Variants in CFAP206 observed in about 807,000 individuals in gnomAD.
CFAP206 encodes cilia and flagella associated protein 206, also known as cilia- and flagella-associated protein 206.
CFAP206 carries 53 observed loss-of-function variants against 65.4 expected under a neutral mutation model. The observed-to-expected ratio is 0.81, with a 90% CI of 0.65 to 1.02. CFAP206 has a LOEUF of 1.02. CFAP206 is among the 50% of genes least tolerant of loss of function. CFAP206 has a pLI of 0.00. For missense variants in CFAP206, 663 were observed against 753.2 expected (o/e 0.88, Z 1.40); for synonymous variants, 250 against 254.4 (o/e 0.98, Z 0.17).
chr6:87,434,418 C>CA (rs11435368), intron 10 of CFAP206, among the ~76,000 whole-genome samples: 1,717 of 102,228 alleles, frequency 0.017, 37 homozygotes, highest in African/African-American at 0.056. Context: ...GACACAGTCT[C>CA]AAAAAAAAAA....
At chr6:87,430,727 T>C (rs896733139) in intron 9 of CFAP206, among the ~76,000 whole-genome samples, 2 of 152,196 alleles carry the variant, frequency 1.3e-5, no homozygotes, top group Non-Finnish European at 2.9e-5. Context: ...AGTCAGCTTT[T>C]CTCTCAGCAG....
Position 87,439,665 on chromosome 6 carries a change from T to C in CFAP206, c.1494+4612T>C, listed in dbSNP as rs1366051568. 3.9e-5 allele frequency among the ~76,000 whole-genome samples: 6 copies of C among 152,206 alleles called. No individual in the cohort carries two copies. The East Asian group carries it at 7.7e-4, about 20-fold the overall frequency. On this transcript the variant is annotated intron_variant, in intron 11 of 12. Transcript: ENST00000369562. ...TTCTTACCTTTTTTTAAAAGAAATA[T>C]GTTTTGTCTATTATGTAGAGCCTTT...
chr6:87,437,376 G>A lies in CFAP206; in HGVS notation c.1494+2323G>A, dbSNP rs990095975. 2.7e-5 allele frequency among the ~76,000 whole-genome samples: 4 copies of A among 150,370 alleles called. No individual in the cohort carries two copies. In the East Asian group the frequency reaches 7.8e-4, roughly 29 times the overall value. ...ACATTGCGTATTTATAACTTTTGCC[G>A]TTTTTTTTTCCATTTGCTGTTTCTG... On this transcript the variant is annotated intron_variant, in intron 11 of 12. Transcript: ENST00000369562.
At chr6:87,444,977 T>C (rs1768419379) in intron 11 of CFAP206, 1 of 525,786 alleles carries the variant, frequency 1.9e-6, no homozygotes, top group South Asian at 1.4e-5. Context: ...GATGGCAGCA[T>C]TTGGCTTCTG....
intron 11 of CFAP206, among the ~76,000 whole-genome samples, chr6:87,453,206 T>G (rs1224280576): frequency 1.3e-5 from 2 of 152,032 alleles, no homozygotes; most frequent in East Asian, 1.9e-4. Context: ...AAAAAAAAAT[T>G]TTTTATCCTA....
intron 4 of CFAP206, among the ~76,000 whole-genome samples, chr6:87,414,546 C>T (rs567521714): frequency 2.6e-5 from 4 of 152,298 alleles, no homozygotes; most frequent in Admixed American, 6.5e-5. Flanking sequence ...GATCTGTCTA[C>T]GCCTTAGACT....
chr6:87,423,529 G>T (rs551571065), intron 7 of CFAP206, among the ~76,000 whole-genome samples: 1 of 152,244 alleles, frequency 6.6e-6, no homozygotes, highest in Non-Finnish European at 1.5e-5. Flanking sequence ...GATTACAGGC[G>T]TGAGCCACCG....
intron 3 of CFAP206, among the ~76,000 whole-genome samples, chr6:87,412,751 C>T (rs956804097): frequency 5.3e-5 from 8 of 152,104 alleles, no homozygotes; most frequent in South Asian, 2.1e-4. Flanking sequence ...GTCCACCTCC[C>T]GGGTTCTCAA....
At chr6:87,462,670 G>C (rs906106628) in intron 12 of CFAP206, among the ~76,000 whole-genome samples, 30 of 152,288 alleles carry the variant, frequency 2.0e-4, no homozygotes, top group African/African-American at 6.7e-4. Context: ...GGCTGGATAG[G>C]ATAGGAGAGA....
intron 11 of CFAP206, among the ~76,000 whole-genome samples, chr6:87,454,813 C>A (rs1363181063): frequency 7.3e-6 from 1 of 137,214 alleles, no homozygotes; most frequent in Non-Finnish European, 1.5e-5. Context: ...CCACTGCACT[C>A]CAGCCTGGGT....
At chr6:87,410,554 A>T (rs1262960062) in intron 2 of CFAP206, 31 bp from the exon 3 acceptor site, 1 of 1,483,562 alleles carries the variant, frequency 6.7e-7, no homozygotes, top group Admixed American at 1.7e-5. Context: ...ATTCTTTCCT[A>T]GTTAATGGAC....
rs1227732594 is a variant in CFAP206, at chr6:87,422,579, G to A, written c.841-3947G>A. On this transcript the variant is annotated intron_variant, in intron 7 of 12. Transcript: ENST00000369562. ...AGCCTGACCAAGATGGTGAAACCCC[G>A]TCTCTACTAAAAATACAAAAAATTA... 4.6e-5 allele frequency among the ~76,000 whole-genome samples: 7 copies of A among 151,050 alleles called. No individual in the cohort carries two copies. The South Asian group carries it at 8.4e-4, about 18-fold the overall frequency.
At position 87,461,153 on chromosome 6, in the gene CFAP206, A is replaced by G. The variant is rs374847485; in HGVS notation, c.1626A>G (p.Lys542=). ...GGAATGAATGGGAATTAAGAAGAAA[A>G]GCTATAAAATTGGTTTGTAACAATA... is the stretch of plus-strand genomic sequence containing the variant. The part of the protein sequence containing the change: ...YEWNEWELRR[K]AIKLANLRQK... Residue 542 remains lysine, a synonymous_variant, in exon 12 of 13, where the codon AAA becomes AAG. Transcript: ENST00000369562. 3.3e-5 allele frequency: 51 copies of G among 1,557,746 alleles called. No homozygotes were observed. The African/African-American group carries it at 6.9e-4, about 21-fold the overall frequency.
intron 8 of CFAP206, among the ~76,000 whole-genome samples, chr6:87,427,176 C>T (rs971331204): frequency 2.6e-5 from 4 of 152,168 alleles, no homozygotes; most frequent in Admixed American, 2.0e-4. Flanking sequence ...CTCGCTTTGT[C>T]GCCCAGGCTG....
chr6:87,450,578 A>AC (rs953392677), intron 11 of CFAP206, among the ~76,000 whole-genome samples: 1 of 151,090 alleles, frequency 6.6e-6, no homozygotes, highest in Non-Finnish European at 1.5e-5. Context: ...TGGCAAAAAA[A>AC]AAAAAAAGGT....
Position 87,464,345 on chromosome 6 carries a change from G to A in CFAP206, c.*95G>A. The A allele has an allele frequency of 1.1e-6, 1 of 870,974 alleles. No individual in the cohort carries two copies. The highest frequency in any genetic ancestry group is 2.5e-5 in the South Asian group (1 of 39,524). 54.0% of individuals were successfully genotyped at this position (870,974 alleles called of 1,614,324 possible). ...CATCTATACAAATTAATTTTGTAGGGGTGGCACATTCATTGGTTGTGTGAC... is the reference window on the plus strand; with the variant it reads ...CATCTATACAAATTAATTTTGTAGGAGTGGCACATTCATTGGTTGTGTGAC... On this transcript the variant is annotated 3_prime_UTR_variant, in exon 13 of 13. Coordinates refer to ENST00000369562, the MANE Select transcript of CFAP206 (RefSeq NM_001031743.3).
intron 1 of CFAP206, 100 bp from the exon 2 acceptor site, chr6:87,409,735 A>G: frequency 2.7e-6 from 2 of 728,206 alleles, no homozygotes; most frequent in Admixed American, 2.6e-5. Context: ...AGATGATATT[A>G]TGACTGTTTA....
At chr6:87,419,884 A>G in intron 7 of CFAP206, among the ~76,000 whole-genome samples, 1 of 152,212 alleles carries the variant, frequency 6.6e-6, no homozygotes, top group East Asian at 1.9e-4. Context: ...ATTCAAGACC[A>G]GCCTGGGCAA....
intron 3 of CFAP206, among the ~76,000 whole-genome samples, chr6:87,412,910 T>A (rs1362452907): frequency 6.6e-6 from 1 of 152,168 alleles, no homozygotes; most frequent in African/African-American, 2.4e-5. Flanking sequence ...TCTGCCCACC[T>A]CTGCCTCCCA....
Sources: gnomAD v4.1 joint callset for allele counts (sites outside exome capture counted in the v4.1 genomes callset) on GRCh38, gnomAD v4.1.1 for gene constraint, MANE v1.5 for transcripts, NCBI Gene and HGNC (gene_info 2026-07-23, HGNC 2026-07-21) for gene names.